Variants in COL22A1 observed in about 807,000 individuals in gnomAD.
The protein encoded by COL22A1 is collagen alpha-1(XXII) chain.
Under a neutral mutation model 248.9 loss-of-function variants are expected in COL22A1, and 221 were observed. That is an observed-to-expected ratio of 0.89 (90% CI 0.80 to 0.99). The LOEUF is 0.99. Among genes scored for constraint, COL22A1 ranks in the 50% least tolerant of loss-of-function variants. COL22A1 has a pLI of 0.00. For synonymous variants in COL22A1, 891 were observed against 793.4 expected, an observed-to-expected ratio of 1.12 and a Z score of -2.07; for missense variants, 2,240 against 2,179.0, an observed-to-expected ratio of 1.03 and a Z score of -0.56.
intron 46 of COL22A1, 107 bp downstream of exon 46, chr8:138,649,558 C>T: frequency 6.6e-7 from 1 of 1,512,038 alleles, no homozygotes; most frequent in Admixed American, 2.1e-5. Flanking sequence ...GAATCTTGAA[C>T]CCCTCAAACC....
intron 21 of COL22A1, among the ~76,000 whole-genome samples, chr8:138,752,735 G>A (rs1832703847): frequency 6.6e-6 from 1 of 152,164 alleles, no homozygotes; most frequent in Non-Finnish European, 1.5e-5. Flanking sequence ...TTCGAGAATG[G>A]GATATATTTT....
At chr8:138,749,994 T>C (rs556211273) in intron 22 of COL22A1, among the ~76,000 whole-genome samples, 1 of 152,216 alleles carries the variant, frequency 6.6e-6, no homozygotes, top group Admixed American at 6.5e-5. Context: ...GATTGAATTA[T>C]GGGGGAAGGT....
At chr8:138,869,838 A>G (rs1162155428) in intron 3 of COL22A1, among the ~76,000 whole-genome samples, 1 of 152,076 alleles carries the variant, frequency 6.6e-6, no homozygotes, top group Non-Finnish European at 1.5e-5. Flanking sequence ...CACAACCCAC[A>G]CTGCTGCCCA....
intron 12 of COL22A1, among the ~76,000 whole-genome samples, chr8:138,787,039 A>G (rs1302540077): frequency 2.0e-5 from 3 of 152,244 alleles, no homozygotes; most frequent in Non-Finnish European, 4.4e-5. Flanking sequence ...AGGCTTTCAG[A>G]TGAGAATTAA....
rs775382220 is a variant in COL22A1 at position 138,676,623 on chromosome 8, C to A, written c.3085G>T (p.Ala1029Ser). 7 of 1,563,974 alleles carry A rather than the reference C, an allele frequency of 4.5e-6. No homozygotes were observed. Among genetic ancestry groups the A allele is most frequent in the Non-Finnish European group, 6.1e-6 (7 of 1,153,212 alleles). ...GGQCVKGDRG[A>S]PGIPGSPGSR... ...CCAGGAGAACCAGGGATCCCAGGAG[C>A]TCCTCGATCCCCCTAGAAAGAGAGA... Residue 1029 changes from alanine (A) to serine (S), a missense_variant, in exon 41 of 65, where the codon GCT (alanine) becomes TCT (serine). Coordinates refer to ENST00000303045, the MANE Select transcript of COL22A1 (RefSeq NM_152888.3).
chr8:138,671,681 G>A (rs1825040402), intron 41 of COL22A1, among the ~76,000 whole-genome samples: 1 of 152,186 alleles, frequency 6.6e-6, no homozygotes, highest in South Asian at 2.1e-4. Flanking sequence ...GTTCTTCCAC[G>A]GAGCAGAGAA....
chr8:138,705,680 C>A (rs1480618237), intron 30 of COL22A1, among the ~76,000 whole-genome samples: 1 of 152,122 alleles, frequency 6.6e-6, no homozygotes, highest in African/African-American at 2.4e-5. Flanking sequence ...CAAAAACATG[C>A]CAAATTGTAA....
At chr8:138,807,712 G>A in intron 10 of COL22A1, 56 bp downstream of exon 10, 2 of 1,537,484 alleles carry the variant, frequency 1.3e-6, no homozygotes, top group South Asian at 1.1e-5. Context: ...TATATAGACA[G>A]CAAAGGAGAG....
At chr8:138,809,528 C>CTTTT (rs71518485) in intron 9 of COL22A1, among the ~76,000 whole-genome samples, 4 of 117,630 alleles carry the variant, frequency 3.4e-5, no homozygotes, top group Non-Finnish European at 7.1e-5. Context: ...TTTTCTTTTT[C>CTTTT]TTTTTTTTTT....
At chr8:138,844,299 G>A in intron 3 of COL22A1, 141 bp from the exon 4 acceptor site, 1 of 744,268 alleles carries the variant, frequency 1.3e-6, no homozygotes, top group Non-Finnish European at 2.4e-6. Context: ...AGAGGCAGCT[G>A]GCATCTCCGC....
intron 50 of COL22A1, 56 bp downstream of exon 50, chr8:138,630,639 G>T: frequency 6.6e-7 from 1 of 1,514,028 alleles, no homozygotes; most frequent in Non-Finnish European, 9.2e-7. Context: ...AACACCTGGG[G>T]TTCCAGAAAG....
intron 5 of COL22A1, among the ~76,000 whole-genome samples, chr8:138,831,043 G>A (rs377263798): frequency 7.2e-5 from 11 of 152,270 alleles, no homozygotes; most frequent in Middle Eastern, 3.4e-3. Context: ...TCATGAAAAC[G>A]AGACTCAGAG....
At chr8:138,777,144 T>C (rs901135641) in intron 15 of COL22A1, among the ~76,000 whole-genome samples, 2 of 152,190 alleles carry the variant, frequency 1.3e-5, no homozygotes, top group Admixed American at 1.3e-4. Context: ...CTCTCCTTTC[T>C]TGGAGAAGAG....
At chr8:138,641,009 G>C (rs1157144788) in intron 47 of COL22A1, among the ~76,000 whole-genome samples, 1 of 152,170 alleles carries the variant, frequency 6.6e-6, no homozygotes, top group African/African-American at 2.4e-5. Flanking sequence ...CAAGCTTGTA[G>C]GTCTTTCTTC....
chr8:138,682,281 C>A (rs1348263142), intron 39 of COL22A1, among the ~76,000 whole-genome samples: 1 of 152,148 alleles, frequency 6.6e-6, no homozygotes, highest in Non-Finnish European at 1.5e-5. Flanking sequence ...GCATAGTAAT[C>A]AGCTCTGGAG....
chr8:138,873,606 C>CGTTGT, intron 3 of COL22A1, among the ~76,000 whole-genome samples: 1 of 152,230 alleles, frequency 6.6e-6, no homozygotes, highest in African/African-American at 2.4e-5. Context: ...TTACACATTC[C>CGTTGT]GTTGTGTAAT....
chr8:138,698,150 A>G (rs1827663875), intron 32 of COL22A1, among the ~76,000 whole-genome samples: 1 of 152,094 alleles, frequency 6.6e-6, no homozygotes, highest in Non-Finnish European at 1.5e-5. Flanking sequence ...TGAGGGAGGG[A>G]GGCCCACAGA....
At chr8:138,700,888 G>C (rs969783059) in intron 31 of COL22A1, among the ~76,000 whole-genome samples, 6 of 151,454 alleles carry the variant, frequency 4.0e-5, no homozygotes, top group Admixed American at 6.6e-5. Context: ...GGGAGGCTGA[G>C]GCAGGAGAAT....
chr8:138,822,808 C>G (rs1819254416), intron 6 of COL22A1, among the ~76,000 whole-genome samples: 1 of 152,152 alleles, frequency 6.6e-6, no homozygotes, highest in Non-Finnish European at 1.5e-5. Flanking sequence ...GGCTTTGTCC[C>G]TCCATGTGCC....
Sources: gnomAD v4.1 joint callset for allele counts (sites outside exome capture counted in the v4.1 genomes callset) on GRCh38, gnomAD v4.1.1 for gene constraint, MANE v1.5 for transcripts, NCBI Gene and HGNC (gene_info 2026-07-23, HGNC 2026-07-21) for gene names.